HOXD1: variants seen among roughly 807,000 people sequenced by gnomAD.
HOXD1 encodes the protein homeobox protein Hox-D1.
In HOXD1, 17 loss-of-function variants were observed where a neutral mutation model predicts 19.9. The ratio of observed to expected loss-of-function variants is 0.85; its 90% CI spans 0.58 to 1.28. The LOEUF is 1.28. HOXD1 is among the 50% of genes most tolerant of loss of function. The pLI, the probability that HOXD1 is intolerant of heterozygous loss-of-function variation, is 0.00. For missense variants in HOXD1, 500 were observed against 460.1 expected (o/e 1.09, Z -0.79); for synonymous variants, 239 against 216.0 (o/e 1.11, Z -0.93).
rs766880295 is a variant in HOXD1 at position 176,189,293 on chromosome 2, G to C, written c.492G>C (p.Pro164=). The C allele has an allele frequency of 3.1e-6, 5 of 1,609,260 alleles. No homozygotes were observed. The highest frequency in any genetic ancestry group is 4.2e-6 in the Non-Finnish European group (5 of 1,178,504). ...YAAFGEPGPF[P]ACLKASADGH... ...CCTTCGGCGAACCCGGCCCTTTTCC[G>C]GCTTGTCTCAAAGCGTCAGCCGACG... The change falls in exon 1 of 2, where the codon CCG becomes CCC. Residue 164 remains proline, a synonymous_variant. Transcript: ENST00000331462.
Position 176,190,046 on chromosome 2 carries a change from T to C in HOXD1, c.891T>C (p.Ile297=), listed in dbSNP as rs1313966814. Reference sequence around the variant, plus strand: ...GAGAAGGGCTTCTGGCCACGGCCATTCCTGTGGCTCCCCTCCAACTTCCCC... The same window carrying C: ...GAGAAGGGCTTCTGGCCACGGCCATCCCTGTGGCTCCCCTCCAACTTCCCC... ...REREGLLATA[I]PVAPLQLPLS... is the part of the protein sequence containing the mutation. Residue 297 remains isoleucine, a synonymous_variant, in exon 2 of 2, where the codon ATT becomes ATC. Transcript: ENST00000331462. 6.2e-7 allele frequency: 1 copy of C among 1,613,860 alleles called. No individual in the cohort carries two copies. Among genetic ancestry groups the C allele is most frequent in the Admixed American group, 1.7e-5 (1 of 60,010 alleles).
chr2:176,190,015 G>C lies in HOXD1; in HGVS notation c.860G>C (p.Arg287Thr), dbSNP rs993060733. 1 of 1,613,926 alleles carries C rather than the reference G, an allele frequency of 6.2e-7. No homozygotes were observed. Among genetic ancestry groups the C allele is most frequent in the Non-Finnish European group, 8.5e-7 (1 of 1,180,004 alleles). ...FQNRRMKQKK[R>T]EREGLLATAI... ...AACCGCAGGATGAAACAGAAGAAAA[G>C]GGAACGAGAAGGGCTTCTGGCCACG... Residue 287 changes from arginine (R) to threonine (T), a missense_variant, in exon 2 of 2, where the codon AGG (arginine) becomes ACG (threonine). Transcript: ENST00000331462.
rs751808553 is a variant in HOXD1 at position 176,189,515 on chromosome 2, A to G, written c.652+62A>G. ...TGGGGACGGAGCCTCCCCCGCGGAA[A>G]TGCGCTGGGAGCGTGGTGTCGCTGC... On this transcript the variant is annotated intron_variant, in intron 1 of 1. Coordinates refer to ENST00000331462, the MANE Select transcript of HOXD1 (RefSeq NM_024501.3). The G allele has an allele frequency of 5.6e-6, 9 of 1,611,818 alleles. No individual in the cohort carries two copies. The Admixed American group carries it at 6.7e-5, about 12-fold the overall frequency.
chr2:176,190,791 TA>T lies in HOXD1; in HGVS notation c.*652del, dbSNP rs1691781059. 2.0e-5 allele frequency: 3 copies of T among 152,664 alleles called. No individual in the cohort carries two copies. Among genetic ancestry groups the T allele is most frequent in the Admixed American group, 2.0e-4 (3 of 15,278 alleles). 9.5% of individuals were successfully genotyped at this position (152,664 alleles called of 1,614,324 possible). The stretch of plus-strand genomic sequence containing the variant: ...GACAAATATTATTCAAACTTGAATG[TA>T]AATATATACAGTATGTATATTTTTT... On this transcript the variant is annotated 3_prime_UTR_variant, in exon 2 of 2. Transcript: ENST00000331462.
At position 176,190,316 on chromosome 2, in the gene HOXD1, A is replaced by G. The variant is rs1398827169; in HGVS notation, c.*174A>G. 4 of 581,800 alleles carry G rather than the reference A, an allele frequency of 6.9e-6. No homozygotes were observed. The highest frequency in any genetic ancestry group is 1.2e-5 in the Non-Finnish European group (4 of 327,320). 36.0% of individuals were successfully genotyped at this position (581,800 alleles called of 1,614,324 possible). A position where few individuals can be genotyped will look rare whatever the true frequency, so the allele number is the denominator to read the frequency against. On this transcript the variant is annotated 3_prime_UTR_variant, in exon 2 of 2. Transcript: ENST00000331462. ...CTTCCGAGTTCCAGACTATATGTCC[A>G]GATATTAATTGACTGTCTTGTAAGC...
In HOXD1 at chr2:176,188,837, C is replaced by T; in HGVS notation, c.36C>T (p.Ser12=). The T allele has an allele frequency of 6.2e-7, 1 of 1,608,330 alleles. No homozygotes were observed. Among genetic ancestry groups the T allele is most frequent in the Non-Finnish European group, 8.5e-7 (1 of 1,178,134 alleles). Residue 12 remains serine, a synonymous_variant, in exon 1 of 2, where the codon AGC becomes AGT. Transcript: ENST00000331462. ...ACCTGGAGTACGTGTCATGCAGCAG[C>T]AGCGGCGGGGTCGGCGGCGACGTGC... The part of the protein sequence containing the change: ...SSYLEYVSCS[S]SGGVGGDVLS...
rs751102076 is a variant in HOXD1, at chr2:176,189,847, C to T, written c.692C>T (p.Ala231Val). Residue 231 changes from alanine (A) to valine (V), a missense_variant, in exon 2 of 2, where the codon GCG (alanine) becomes GTG (valine). Ala to Val is a moderately conservative substitution (Grantham distance 64, BLOSUM62 0). Coordinates refer to ENST00000331462, the MANE Select transcript of HOXD1 (RefSeq NM_024501.3). ...TATGGGGCCGCTAGCCCCTCCAGCG[C>T]GATCCGCACGAATTTCAGCACCAAG... ...AEYGAASPSSAIRTNFSTKQL... is the reference protein window; with the variant it reads ...AEYGAASPSSVIRTNFSTKQL... 5 of 1,613,998 alleles carry T rather than the reference C, an allele frequency of 3.1e-6. No homozygotes were observed. The Admixed American group carries it at 5.0e-5, about 16-fold the overall frequency.
Position 176,188,855 on chromosome 2 carries a change from C to G in HOXD1, c.54C>G (p.Gly18=), listed in dbSNP as rs1360550000. 6.2e-7 allele frequency: 1 copy of G among 1,604,012 alleles called. No individual in the cohort carries two copies. The highest frequency in any genetic ancestry group is 8.5e-7 in the Non-Finnish European group (1 of 1,177,116). ...GCAGCAGCAGCGGCGGGGTCGGCGGCGACGTGCTCAGCTTGGCACCCAAGT... is the reference window on the plus strand; with the variant it reads ...GCAGCAGCAGCGGCGGGGTCGGCGGGGACGTGCTCAGCTTGGCACCCAAGT... ...VSCSSSGGVG[G]DVLSLAPKFC... Residue 18 remains glycine, a synonymous_variant, in exon 1 of 2, where the codon GGC becomes GGG. Transcript: ENST00000331462.
Position 176,189,412 on chromosome 2 carries a change from CGTTCGA to C in HOXD1, c.614_619del (p.Phe205_Glu206del). The C allele has an allele frequency of 6.2e-7, 1 of 1,613,056 alleles. No individual in the cohort carries two copies. The highest frequency in any genetic ancestry group is 8.5e-7 in the Non-Finnish European group (1 of 1,179,922). ...TCCGGCCTCCCTGCCGCCTTCAGCA[CGTTCGA>C]GTGGATGAAAGTGAAGAGGAATGCC... On this transcript the variant is annotated inframe_deletion, in exon 1 of 2. Coordinates refer to ENST00000331462, the MANE Select transcript of HOXD1 (RefSeq NM_024501.3).
In HOXD1 at chr2:176,188,797, G is replaced by A. The variant is rs1433962933; in HGVS notation, c.-5G>A. On this transcript the variant is annotated 5_prime_UTR_variant, in exon 1 of 2. Coordinates refer to ENST00000331462, the MANE Select transcript of HOXD1 (RefSeq NM_024501.3). ...CTGCGCCCTCAGAAAGGTGGGGCCC[G>A]AACCATGAGCTCCTACCTGGAGTAC... 6.2e-7 allele frequency: 1 copy of A among 1,607,400 alleles called. No individual in the cohort carries two copies. The highest frequency in any genetic ancestry group is 8.5e-7 in the Non-Finnish European group (1 of 1,177,638).
rs1183450681 is a variant in HOXD1, at chr2:176,189,140, G to A, written c.339G>A (p.Pro113=). ...GADYGFLGSG[P]AYDFPGVLGR... is the part of the protein sequence containing the mutation. The stretch of plus-strand genomic sequence containing the variant: ...ACTACGGCTTCCTGGGGTCCGGGCC[G>A]GCGTACGACTTCCCGGGCGTGCTGG... Residue 113 remains proline, a synonymous_variant, in exon 1 of 2, where the codon CCG becomes CCA. Transcript: ENST00000331462. 6.3e-7 allele frequency: 1 copy of A among 1,580,168 alleles called. No homozygotes were observed. Among genetic ancestry groups the A allele is most frequent in the East Asian group, 2.3e-5 (1 of 43,912 alleles).
Position 176,190,782 on chromosome 2 carries a change from A to T in HOXD1, c.*640A>T, listed in dbSNP as rs1276166830. ...CTATATCTTGACAAATATTATTCAA[A>T]CTTGAATGTAAATATATACAGTATG... is the stretch of plus-strand genomic sequence containing the variant. On this transcript the variant is annotated 3_prime_UTR_variant, in exon 2 of 2. Transcript: ENST00000331462. 6.6e-6 allele frequency: 1 copy of T among 152,630 alleles called. No homozygotes were observed. The highest frequency in any genetic ancestry group is 1.5e-5 in the Non-Finnish European group (1 of 68,050). 9.5% of individuals were successfully genotyped at this position (152,630 alleles called of 1,614,324 possible). A position where few individuals can be genotyped will look rare whatever the true frequency, so the allele number is the denominator to read the frequency against.
Position 176,189,187 on chromosome 2 carries a change from G to T in HOXD1, c.386G>T (p.Gly129Val). Residue 129 changes from glycine (G) to valine (V), a missense_variant, in exon 1 of 2, where the codon GGG (glycine) becomes GTG (valine). Coordinates refer to ENST00000331462, the MANE Select transcript of HOXD1 (RefSeq NM_024501.3). ...GVLGRAADDG[G>V]SHVHYATSAV... ...CTGGGGCGGGCGGCCGACGACGGCGGGTCTCACGTCCACTACGCCACCTCG... is the reference window on the plus strand; with the variant it reads ...CTGGGGCGGGCGGCCGACGACGGCGTGTCTCACGTCCACTACGCCACCTCG... 1 of 1,573,668 alleles carries T rather than the reference G, an allele frequency of 6.4e-7. No individual in the cohort carries two copies. The highest frequency in any genetic ancestry group is 8.6e-7 in the Non-Finnish European group (1 of 1,164,224).
rs773962796 is a variant in HOXD1, at chr2:176,189,190, C to T, written c.389C>T (p.Ser130Phe). ...VLGRAADDGG[S>F]HVHYATSAVF... ...GGGCGGGCGGCCGACGACGGCGGGT[C>T]TCACGTCCACTACGCCACCTCGGCC... Residue 130 changes from serine (S) to phenylalanine (F), a missense_variant, in exon 1 of 2, where the codon TCT becomes TTT. Coordinates refer to ENST00000331462, the MANE Select transcript of HOXD1 (RefSeq NM_024501.3). 1 of 1,574,620 alleles carries T rather than the reference C, an allele frequency of 6.4e-7. No homozygotes were observed. The highest frequency in any genetic ancestry group is 1.8e-5 in the Admixed American group (1 of 56,336).
chr2:176,188,963 G>T lies in HOXD1; in HGVS notation c.162G>T (p.Leu54=). The T allele has an allele frequency of 6.7e-7, 1 of 1,502,716 alleles. No homozygotes were observed. The highest frequency in any genetic ancestry group is 8.8e-7 in the Non-Finnish European group (1 of 1,133,436). The allele number at this position is 1,502,716 out of a possible 1,614,324, so 93.1% of individuals were successfully genotyped here. A position where few individuals can be genotyped will look rare whatever the true frequency, so the allele number is the denominator to read the frequency against. ...GCGACGGCGCCTTCGTCAGCTGTCT[G>T]CCCCTGGCCGCCGCCCGACCCTCGC... ...GNGDGAFVSC[L]PLAAARPSPS... is the part of the protein sequence containing the mutation. Residue 54 remains leucine (L), a synonymous_variant, in exon 1 of 2, where the codon CTG becomes CTT. Coordinates refer to ENST00000331462, the MANE Select transcript of HOXD1 (RefSeq NM_024501.3).
rs1691736697 is a variant in HOXD1 at position 176,189,185 on chromosome 2, C to T, written c.384C>T (p.Gly128=). 1.3e-6 allele frequency: 2 copies of T among 1,569,478 alleles called. No individual in the cohort carries two copies. Among genetic ancestry groups the T allele is most frequent in the African/African-American group, 1.3e-5 (1 of 74,206 alleles). Reference sequence around the variant, plus strand: ...TGCTGGGGCGGGCGGCCGACGACGGCGGGTCTCACGTCCACTACGCCACCT... The same window carrying T: ...TGCTGGGGCGGGCGGCCGACGACGGTGGGTCTCACGTCCACTACGCCACCT... ...PGVLGRAADD[G]GSHVHYATSA... The change falls in exon 1 of 2, where the codon GGC becomes GGT. Residue 128 remains glycine (G), a synonymous_variant. Coordinates refer to ENST00000331462, the MANE Select transcript of HOXD1 (RefSeq NM_024501.3).
rs761505327 is a variant in HOXD1, at chr2:176,189,248, C to T, written c.447C>T (p.Ser149=). The change falls in exon 1 of 2, where the codon AGC becomes AGT. Residue 149 remains serine, a synonymous_variant. Transcript: ENST00000331462. ...VFSGGGSFLL[S]GQVDYAAFGE... is the part of the protein sequence containing the mutation. ...CGGGCGGCGGCTCTTTCCTCCTCAG[C>T]GGCCAGGTGGATTACGCGGCCTTCG... 6.3e-7 allele frequency: 1 copy of T among 1,597,166 alleles called. No homozygotes were observed. The highest frequency in any genetic ancestry group is 8.5e-7 in the Non-Finnish European group (1 of 1,172,724).
rs780881209 is a variant in HOXD1 at position 176,189,892 on chromosome 2, AAG to A, written c.740_741del (p.Glu247ValfsTer5). ...ACCAAGCAACTGACAGAACTGGAAA[AAG>A]AGTTTCATTTCAATAAGTACTTAAC... On this transcript the variant is annotated frameshift_variant, in exon 2 of 2. Transcript: ENST00000331462. LOFTEE classifies it high-confidence loss of function. The A allele has an allele frequency of 3.7e-6, 6 of 1,614,084 alleles. No individual in the cohort carries two copies. Among genetic ancestry groups the A allele is most frequent in the Middle Eastern group, 1.6e-4 (1 of 6,084 alleles).
chr2:176,189,218 C>G lies in HOXD1; in HGVS notation c.417C>G (p.Val139=). The change falls in exon 1 of 2, where the codon GTC becomes GTG. Residue 139 remains valine, a synonymous_variant. Coordinates refer to ENST00000331462, the MANE Select transcript of HOXD1 (RefSeq NM_024501.3). The stretch of plus-strand genomic sequence containing the variant: ...ACGTCCACTACGCCACCTCGGCCGT[C>G]TTCTCGGGCGGCGGCTCTTTCCTCC... The part of the protein sequence containing the change: ...GSHVHYATSA[V]FSGGGSFLLS... 6.3e-7 allele frequency: 1 copy of G among 1,588,324 alleles called. No homozygotes were observed. The highest frequency in any genetic ancestry group is 1.1e-5 in the South Asian group (1 of 87,308).
Sources: gnomAD v4.1 joint callset for allele counts on GRCh38, gnomAD v4.1.1 for gene constraint, MANE v1.5 for transcripts, NCBI Gene and HGNC (gene_info 2026-07-23, HGNC 2026-07-21) for gene names.